Variants in ITPR2 observed in about 807,000 individuals in gnomAD.
ITPR2 encodes the protein inositol 1,4,5-trisphosphate-gated calcium channel ITPR2.
In ITPR2, 207 loss-of-function variants were observed where a neutral mutation model predicts 317.1. The ratio of observed to expected loss-of-function variants is 0.65; its 90% confidence interval spans 0.58 to 0.73. ITPR2 has a LOEUF of 0.73. Among genes scored for constraint, ITPR2 ranks in the 30% least tolerant of loss-of-function variants. The pLI is 0.00. For missense variants in ITPR2, 2,613 were observed against 3,284.0 expected (o/e 0.80, Z 4.99); for synonymous variants, 1,156 against 1,149.1 (o/e 1.01, Z -0.12).
chr12:26,715,350 C>CAA lies in ITPR2; in HGVS notation c.802_803dup (p.Leu268PhefsTer18). 1 of 1,613,720 alleles carries CAA rather than the reference C, an allele frequency of 6.2e-7. No homozygotes were observed. The highest frequency in any genetic ancestry group is 1.1e-5 in the South Asian group (1 of 91,048). ...TAGTAGCAGAAGTAGCTGATTGGCG[C>CAA]AAGGTCGTACGAAGGAAAATGTGCT... is the stretch of plus-strand genomic sequence containing the variant. On this transcript the variant is annotated frameshift_variant, in exon 8 of 57. Transcript: ENST00000381340. LOFTEE classifies it high-confidence loss of function.
intron 37 of ITPR2, among the ~76,000 whole-genome samples, chr12:26,538,216 G>GGTCTTCAAT (rs1425661548): frequency 6.6e-6 from 1 of 152,122 alleles, no homozygotes; most frequent in East Asian, 1.9e-4. Flanking sequence ...CTGTGCTACA[G>GGTCTTCAAT]GTCTTCAATG....
At chr12:26,721,468 T>G (rs1224347505) in intron 5 of ITPR2, 2 of 423,420 alleles carry the variant, frequency 4.7e-6, no homozygotes, top group Non-Finnish European at 8.4e-6. Flanking sequence ...GAAAAAACTC[T>G]CTCAGAATAA....
chr12:26,657,730 G>A lies in ITPR2; in HGVS notation c.2169C>T (p.Asp723=), dbSNP rs759666973. The change falls in exon 18 of 57, where the codon GAC becomes GAT. Residue 723 remains aspartate, a synonymous_variant. Transcript: ENST00000381340. ...AQEAKEGTKA[D]LEVLTYYRYQ... ...ACCTGTAATAGGTAAGAACTTCTAA[G>A]TCAGCTTTGGTGCCTTCTTTTGCCT... The A allele has an allele frequency of 1.9e-6, 3 of 1,614,090 alleles. No homozygotes were observed. The highest frequency in any genetic ancestry group is 1.7e-6 in the Non-Finnish European group (2 of 1,179,980).
In ITPR2 at chr12:26,454,055, G is replaced by T. The variant is rs557010899; in HGVS notation, c.6343-10405C>A. ...GGATGGATGGATGGACGGATGGATG[G>T]ATGGATGGCATACAGTATTTTTTGC... is the stretch of plus-strand genomic sequence containing the variant. On this transcript the variant is annotated intron_variant, in intron 45 of 56. Transcript: ENST00000381340. Among the ~76,000 whole-genome samples, 3 of 152,226 alleles carry T rather than the reference G, an allele frequency of 2.0e-5. No individual in the cohort carries two copies. The South Asian group carries it at 6.2e-4, about 32-fold the overall frequency.
At chr12:26,654,203 G>C in intron 20 of ITPR2, 77 bp from the exon 21 acceptor site, 1 of 1,168,196 alleles carries the variant, frequency 8.6e-7, no homozygotes, top group Non-Finnish European at 1.2e-6. Flanking sequence ...ATAAACATTG[G>C]CTTTTTTATT....
chr12:26,344,249 AG>A (rs1938231832), intron 55 of ITPR2, among the ~76,000 whole-genome samples: 1 of 152,194 alleles, frequency 6.6e-6, no homozygotes, highest in African/African-American at 2.4e-5. Context: ...AGACTAAGAC[AG>A]GGCTCCTCTT....
intron 21 of ITPR2, among the ~76,000 whole-genome samples, chr12:26,633,527 T>C (rs1398485232): frequency 1.3e-5 from 2 of 152,198 alleles, no homozygotes; most frequent in Admixed American, 6.5e-5. Flanking sequence ...CACGACAAAA[T>C]GTATATATAA....
intron 1 of ITPR2, among the ~76,000 whole-genome samples, chr12:26,828,832 T>C (rs533093404): frequency 6.6e-6 from 1 of 152,328 alleles, no homozygotes; most frequent in South Asian, 2.1e-4. Context: ...ATCTAACAAC[T>C]GCCACAGAAA....
chr12:26,799,934 GCT>G (rs1482842526), intron 1 of ITPR2, among the ~76,000 whole-genome samples: 2 of 152,172 alleles, frequency 1.3e-5, no homozygotes, highest in Non-Finnish European at 2.9e-5. Context: ...AATCATTGGT[GCT>G]AGAAAAAGTG....
chr12:26,673,296 T>C (rs1376301262), intron 13 of ITPR2, among the ~76,000 whole-genome samples: 2 of 152,156 alleles, frequency 1.3e-5, no homozygotes, highest in Non-Finnish European at 2.9e-5. Flanking sequence ...AAATCCTCAA[T>C]AAAATACTGG....
chr12:26,531,992 A>G lies in ITPR2; in HGVS notation c.5073+18255T>C, dbSNP rs146425851. ...GGTAATGCTGTCTTAAAATATCAGA[A>G]AAGTATTTTATAAATATTTTTAAGA... On this transcript the variant is annotated intron_variant, in intron 37 of 56. Coordinates refer to ENST00000381340, the MANE Select transcript of ITPR2 (RefSeq NM_002223.4). 1.2e-4 allele frequency among the ~76,000 whole-genome samples: 18 copies of G among 152,378 alleles called. 1 individual carries two copies. The East Asian group carries it at 2.5e-3, about 21-fold the overall frequency.
intron 50 of ITPR2, among the ~76,000 whole-genome samples, chr12:26,418,268 T>C (rs1054554753): frequency 1.3e-5 from 2 of 152,174 alleles, no homozygotes; most frequent in Non-Finnish European, 2.9e-5. Flanking sequence ...TCAGGGATCA[T>C]CTTATTGGAC....
chr12:26,774,791 T>C (rs948478088), intron 2 of ITPR2, among the ~76,000 whole-genome samples: 4 of 152,246 alleles, frequency 2.6e-5, no homozygotes, highest in Admixed American at 2.6e-4. Flanking sequence ...TCTTTTTCTC[T>C]GCATGAGAGC....
At chr12:26,565,496 AG>A (rs1944929633) in intron 34 of ITPR2, among the ~76,000 whole-genome samples, 6 of 98,530 alleles carry the variant, frequency 6.1e-5, no homozygotes, top group Non-Finnish European at 1.4e-4. Flanking sequence ...ATAGATAGAT[AG>A]ATAGATAGAT....
chr12:26,536,105 C>CT (rs199818991), intron 37 of ITPR2, among the ~76,000 whole-genome samples: 2 of 152,100 alleles, frequency 1.3e-5, no homozygotes, highest in East Asian at 3.8e-4. Context: ...AAAGTAGAAG[C>CT]TTTTTTTGTA....
At position 26,831,685 on chromosome 12, in the gene ITPR2, T is replaced by TATATATATATTCTACATAAAATATATAA. The variant is rs1951104838; in HGVS notation, c.92+1004_92+1005insTTATATATTTTATGTAGAATATATATAT. ...GCACACTGTTTTATATATAAATATA[T>TATATATATATTCTACATAAAATATATAA]ATATATATTCTACATAAAATATATA... On this transcript the variant is annotated intron_variant, in intron 1 of 56. Coordinates refer to ENST00000381340, the MANE Select transcript of ITPR2 (RefSeq NM_002223.4). This position sits in a 1 kb window ranked among gnomAD's most constrained non-coding sequence, Gnocchi z 4.9. Among the ~76,000 whole-genome samples, 1 of 144,312 alleles carries TATATATATATTCTACATAAAATATATAA rather than the reference T, an allele frequency of 6.9e-6. No individual in the cohort carries two copies. The highest frequency in any genetic ancestry group is 1.5e-5 in the Non-Finnish European group (1 of 66,066). The allele number at this position is 144,312 out of a possible 152,430, so 94.7% of individuals were successfully genotyped here.
intron 34 of ITPR2, among the ~76,000 whole-genome samples, chr12:26,575,787 G>T (rs1945261530): frequency 6.6e-6 from 1 of 152,154 alleles, no homozygotes; most frequent in South Asian, 2.1e-4. Flanking sequence ...GCAATTCTAT[G>T]CATGAACTGA....
intron 1 of ITPR2, among the ~76,000 whole-genome samples, chr12:26,813,500 G>A (rs1384041623): frequency 6.6e-6 from 1 of 152,130 alleles, no homozygotes; most frequent in Non-Finnish European, 1.5e-5. Flanking sequence ...TGAATAATGT[G>A]CTTATTTGGG....
chr12:26,487,208 T>C lies in ITPR2; in HGVS notation c.5414A>G (p.Lys1805Arg). ...TCGATCATAGAGAACTTTAAAGAAT[T>C]TTTCTGACTTTTTTTGTTCATGCAA... ...QQLHEQKKSE[K>R]FFKVLYDRMK... Residue 1805 changes from lysine to arginine, a missense_variant, in exon 40 of 57, where the codon AAA becomes AGA. Physicochemically the swap from Lys to Arg is conservative, Grantham distance 26. Transcript: ENST00000381340. The C allele has an allele frequency of 6.2e-7, 1 of 1,606,146 alleles. No homozygotes were observed. Among genetic ancestry groups the C allele is most frequent in the Non-Finnish European group, 8.5e-7 (1 of 1,178,040 alleles).
Sources: allele counts gnomAD v4.1 joint callset (sites outside exome capture counted in the v4.1 genomes callset), GRCh38; gene constraint gnomAD v4.1.1; non-coding constraint Gnocchi (gnomAD v3.1); transcripts MANE v1.5; gene names NCBI Gene and HGNC (gene_info 2026-07-23, HGNC 2026-07-21).